Variants in CRNKL1 observed in about 807,000 individuals in gnomAD.
CRNKL1 encodes the protein crooked neck-like protein 1.
A neutral mutation model predicts 103.7 loss-of-function variants in CRNKL1; 35 were observed. That is an observed-to-expected ratio of 0.34 (90% confidence interval 0.26 to 0.45). The LOEUF is 0.45. Ranked by LOEUF, CRNKL1 falls within the 20% of genes least tolerant of loss-of-function variation. The pLI is 1.00. For synonymous variants in CRNKL1, 267 were observed against 282.6 expected, an observed-to-expected ratio of 0.94 and a Z score of 0.55; for missense variants, 645 against 836.0, an observed-to-expected ratio of 0.77 and a Z score of 2.82.
chr20:20,052,919 A>ATAAT (rs10651384), upstream of CRNKL1, among the ~76,000 whole-genome samples: 94,766 of 151,630 alleles, frequency 0.62, 29,982 homozygotes, highest in East Asian at 0.94. Context: ...TTGTGCCCAA[A>ATAAT]TAATTCTAAG....
chr20:20,037,786 C>T (rs2043445014), intron 12 of CRNKL1, among the ~76,000 whole-genome samples: 1 of 152,140 alleles, frequency 6.6e-6, no homozygotes, highest in Admixed American at 6.5e-5. Flanking sequence ...TAGTCTTAAA[C>T]TCTTGAAAAG....
intron 2 of CRNKL1, among the ~76,000 whole-genome samples, chr20:20,049,725 A>C (rs940781618): frequency 6.6e-6 from 1 of 152,230 alleles, no homozygotes; most frequent in African/African-American, 2.4e-5. Context: ...GCTTTAAAAC[A>C]GTCCCACATT....
intron 4 of CRNKL1, 46 bp from the exon 5 acceptor site, chr20:20,047,977 C>T (rs200402168): frequency 6.3e-5 from 100 of 1,576,432 alleles, no homozygotes; most frequent in Non-Finnish European, 8.2e-5. Context: ...TTAGTTCTTC[C>T]ATTGTTGAAT....
chr20:20,045,478 C>T lies in CRNKL1; in HGVS notation c.631G>A (p.Val211Met), dbSNP rs780216616. The T allele has an allele frequency of 1.2e-5, 19 of 1,603,400 alleles. 1 individual carries two copies. The highest frequency in any genetic ancestry group is 5.6e-5 in the South Asian group (5 of 89,524). ...ATCCAGTTCTTAACATCAGGGTGCA[C>T]GAGGACAAGTGCAAGGGAATTAAGG... The part of the protein sequence containing the change: ...ARTIYERFVL[V>M]HPDVKNWIKY... Residue 211 changes from valine to methionine, a missense_variant, in exon 6 of 14, where the codon GTG becomes ATG. Val to Met is a conservative substitution (Grantham distance 21, BLOSUM62 1). Transcript: ENST00000536226.
chr20:20,036,240 ATCC>A lies in CRNKL1; in HGVS notation c.2016_2018del (p.Glu672del), dbSNP rs765558419. ...CGTCCTCATCTGGATGGTGCTCAGC[ATCC>A]TCCTTTTCCTGCTGCTGTTTCTTCC... On this transcript the variant is annotated inframe_deletion, in exon 14 of 14. Transcript: ENST00000536226. 3.1e-6 allele frequency: 5 copies of A among 1,614,208 alleles called. No individual in the cohort carries two copies. Among genetic ancestry groups the A allele is most frequent in the Non-Finnish European group, 3.4e-6 (4 of 1,180,030 alleles).
chr20:20,039,528 T>C, intron 11 of CRNKL1, 81 bp downstream of exon 11: 2 of 1,511,082 alleles, frequency 1.3e-6, no homozygotes, highest in Middle Eastern at 1.7e-4. Flanking sequence ...TACTCTAAAA[T>C]ACACCCACAT....
chr20:20,054,084 A>G (rs563952477), upstream of CRNKL1, among the ~76,000 whole-genome samples: 7 of 140,898 alleles, frequency 5.0e-5, no homozygotes, highest in African/African-American at 1.6e-4. Flanking sequence ...GCTTTTGTAG[A>G]TATACCTTCA....
In CRNKL1 at chr20:20,035,445, ACT is replaced by A; in HGVS notation, c.*748_*749del. 6.6e-6 allele frequency: 1 copy of A among 152,336 alleles called. No homozygotes were observed. The highest frequency in any genetic ancestry group is 1.9e-4 in the East Asian group (1 of 5,186). The allele number at this position is 152,336 out of a possible 1,614,324, so 9.4% of individuals were successfully genotyped here. A position where few individuals can be genotyped will look rare whatever the true frequency, so the allele number is the denominator to read the frequency against. On this transcript the variant is annotated 3_prime_UTR_variant, in exon 14 of 14. Transcript: ENST00000536226. ...TAAACAAGGTATTACAAACTCAACCACTCTGGAGAACTGATGAGCGCCTAACT... is the reference window on the plus strand; with the variant it reads ...TAAACAAGGTATTACAAACTCAACCACTGGAGAACTGATGAGCGCCTAACT...
At chr20:20,052,844 T>C (rs1230883738), upstream of CRNKL1, 14 of 932,644 alleles carry the variant, frequency 1.5e-5, 1 homozygote, top group Middle Eastern at 3.1e-4. Flanking sequence ...TAGGCTGCAA[T>C]GCCTCGAGCA....
chr20:20,052,456 G>T lies in CRNKL1; in HGVS notation c.-114C>A. 1 of 1,614,262 alleles carries T rather than the reference G, an allele frequency of 6.2e-7. No homozygotes were observed. The highest frequency in any genetic ancestry group is 8.5e-7 in the Non-Finnish European group (1 of 1,180,046). On this transcript the variant is annotated 5_prime_UTR_variant, in exon 1 of 14. Coordinates refer to ENST00000536226, the MANE Select transcript of CRNKL1 (RefSeq NM_001278628.2). ...GAAAACAAACAGGATCTCGGAACCG[G>T]AAGCGGAACTTGCAGGACTGACCTT...
chr20:20,046,522 T>G (rs941814209), intron 5 of CRNKL1, among the ~76,000 whole-genome samples: 8 of 152,214 alleles, frequency 5.3e-5, no homozygotes, highest in African/African-American at 1.9e-4. Context: ...AACACTTAAT[T>G]ATTGAGTACT....
chr20:20,046,132 T>C (rs1285385247), intron 5 of CRNKL1, among the ~76,000 whole-genome samples: 1 of 152,232 alleles, frequency 6.6e-6, no homozygotes, highest in Non-Finnish European at 1.5e-5. Flanking sequence ...TATTCCAATA[T>C]GGCAAAGAAG....
Position 20,037,365 on chromosome 20 carries a change from T to C in CRNKL1, c.1854A>G (p.Pro618=), listed in dbSNP as rs910542438. The part of the protein sequence containing the change: ...SDKERVDKLM[P]EKVKKRRKVQ... ...CCTTTCTTCTCTTCTTGACTTTCTC[T>C]GGCATGAGTTTGTCTACTCTCTCCT... Residue 618 remains proline, a synonymous_variant, in exon 13 of 14, where the codon CCA becomes CCG. Transcript: ENST00000536226. The C allele has an allele frequency of 1.2e-6, 2 of 1,614,036 alleles. No individual in the cohort carries two copies. The highest frequency in any genetic ancestry group is 2.7e-5 in the African/African-American group (2 of 74,942).
upstream of CRNKL1, chr20:20,055,890 G>C: frequency 3.1e-6 from 4 of 1,306,904 alleles, no homozygotes; most frequent in Non-Finnish European, 4.4e-6. Flanking sequence ...AAAGAGAGAA[G>C]AGAGACTTAC....
At chr20:20,037,158 CT>C (rs1453157917) in intron 13 of CRNKL1, among the ~76,000 whole-genome samples, 164 bp downstream of exon 13, 3 of 152,254 alleles carry the variant, frequency 2.0e-5, no homozygotes, top group Non-Finnish European at 4.4e-5. Context: ...ACCATATGTT[CT>C]ACCCCGTGTT....
At chr20:20,047,517 A>G (rs575828995) in intron 5 of CRNKL1, among the ~76,000 whole-genome samples, 1 of 152,322 alleles carries the variant, frequency 6.6e-6, no homozygotes, top group South Asian at 2.1e-4. Flanking sequence ...CCACAAGGAA[A>G]CATTAGCTTT....
At position 20,036,251 on chromosome 20, in the gene CRNKL1, CCTG is replaced by C. The variant is rs1485668206; in HGVS notation, c.2005_2007del (p.Gln669del). On this transcript the variant is annotated inframe_deletion, in exon 14 of 14. Transcript: ENST00000536226. ...GGATGGTGCTCAGCATCCTCCTTTTCCTGCTGCTGTTTCTTCCACAGTTTGGCC... is the reference window on the plus strand; with the variant it reads ...GGATGGTGCTCAGCATCCTCCTTTTCCTGCTGTTTCTTCCACAGTTTGGCC... The C allele has an allele frequency of 3.7e-6, 6 of 1,614,110 alleles. No homozygotes were observed. Among genetic ancestry groups the C allele is most frequent in the Non-Finnish European group, 4.2e-6 (5 of 1,180,044 alleles).
chr20:20,037,356 G>A lies in CRNKL1; in HGVS notation c.1863C>T (p.Val621=). 1.2e-6 allele frequency: 2 copies of A among 1,614,038 alleles called. No homozygotes were observed. The highest frequency in any genetic ancestry group is 1.7e-6 in the Non-Finnish European group (2 of 1,180,012). Residue 621 remains valine (V), a synonymous_variant, in exon 13 of 14, where the codon GTC becomes GTT. Coordinates refer to ENST00000536226, the MANE Select transcript of CRNKL1 (RefSeq NM_001278628.2). ...ERVDKLMPEK[V]KKRRKVQTDD... is the part of the protein sequence containing the mutation. The stretch of plus-strand genomic sequence containing the variant: ...CAGTCTGGACCTTTCTTCTCTTCTT[G>A]ACTTTCTCTGGCATGAGTTTGTCTA...
chr20:20,048,719 G>T (rs1440814974), intron 3 of CRNKL1, among the ~76,000 whole-genome samples: 1 of 152,174 alleles, frequency 6.6e-6, no homozygotes, highest in African/African-American at 2.4e-5. Flanking sequence ...TTATGTTATA[G>T]TCAAGATCTG....
Sources: allele counts gnomAD v4.1 joint callset (sites outside exome capture counted in the v4.1 genomes callset), GRCh38; gene constraint gnomAD v4.1.1; transcripts MANE v1.5; gene names NCBI Gene and HGNC (gene_info 2026-07-23, HGNC 2026-07-21).